Variants in VAMP5 observed in about 807,000 individuals in gnomAD.
The protein encoded by VAMP5 is vesicle associated membrane protein 5.
A neutral mutation model predicts 8.1 loss-of-function variants in VAMP5; 10 were observed. That is an observed-to-expected ratio of 1.23 (90% CI 0.76 to 2.09). The LOEUF is 2.09. Among genes scored for constraint, VAMP5 ranks in the 30% most tolerant of loss-of-function variants. The pLI is 0.00. For missense variants in VAMP5, 135 were observed against 152.5 expected, an observed-to-expected ratio of 0.89 and a Z score of 0.60; for synonymous variants, 62 against 60.6, an observed-to-expected ratio of 1.02 and a Z score of -0.11.
intron 1 of VAMP5, among the ~76,000 whole-genome samples, chr2:85,588,049 G>A (rs1672489905): frequency 6.6e-6 from 1 of 152,098 alleles, no homozygotes; most frequent in African/African-American, 2.4e-5. Context: ...GGAGTGCAGT[G>A]CGCAATCTTG....
At chr2:85,586,836 G>A (rs1444009525) in intron 1 of VAMP5, among the ~76,000 whole-genome samples, 1 of 152,154 alleles carries the variant, frequency 6.6e-6, no homozygotes, top group African/African-American at 2.4e-5. Context: ...CTTTGAGAGA[G>A]AGGCCAAGCC....
At chr2:85,590,904 C>T (rs549860665) in intron 1 of VAMP5, among the ~76,000 whole-genome samples, 1 of 152,328 alleles carries the variant, frequency 6.6e-6, no homozygotes, top group Non-Finnish European at 1.5e-5. Flanking sequence ...TTTCAACCTT[C>T]CCCAGCTTGG....
At chr2:85,585,917 T>C (rs1216868914) in intron 1 of VAMP5, among the ~76,000 whole-genome samples, 1 of 152,198 alleles carries the variant, frequency 6.6e-6, no homozygotes, top group African/African-American at 2.4e-5. Context: ...CTTGGAAATG[T>C]CCTTCATGCC....
intron 2 of VAMP5, 114 bp downstream of exon 2, chr2:85,591,976 T>C (rs1401462355): frequency 2.0e-6 from 3 of 1,480,302 alleles, no homozygotes; most frequent in Non-Finnish European, 2.7e-6. Context: ...TGAGGGCCAG[T>C]GTGGGGCCTC....
intron 1 of VAMP5, 59 bp from the exon 2 acceptor site, chr2:85,591,666 G>A (rs1329668475): frequency 1.2e-6 from 2 of 1,609,842 alleles, no homozygotes; most frequent in Admixed American, 1.7e-5. Context: ...TAGATCTCAG[G>A]GGCAGATGAG....
intron 1 of VAMP5, among the ~76,000 whole-genome samples, chr2:85,585,545 C>T (rs1248585595): frequency 1.3e-5 from 2 of 152,206 alleles, no homozygotes; most frequent in Non-Finnish European, 2.9e-5. Context: ...TAGGGCAGAG[C>T]CCAGAGCCCA....
intron 1 of VAMP5, among the ~76,000 whole-genome samples, chr2:85,590,942 G>A (rs1477271674): frequency 2.6e-5 from 4 of 152,206 alleles, no homozygotes; most frequent in African/African-American, 7.2e-5. Context: ...CCAGTCCTCT[G>A]AAATGAGCTG....
chr2:85,584,916 A>G (rs545214252), intron 1 of VAMP5, among the ~76,000 whole-genome samples: 24 of 152,186 alleles, frequency 1.6e-4, no homozygotes, highest in Non-Finnish European at 2.8e-4. Context: ...TAAAGGAGCC[A>G]CAGTGGCAGA....
intron 1 of VAMP5, among the ~76,000 whole-genome samples, chr2:85,589,192 C>T (rs1028381558): frequency 1.3e-5 from 2 of 152,204 alleles, no homozygotes; most frequent in African/African-American, 4.8e-5. Context: ...TGCTGAGTGA[C>T]AGTGTGGCGT....
intron 1 of VAMP5, among the ~76,000 whole-genome samples, chr2:85,588,423 G>T (rs995029617): frequency 6.6e-6 from 1 of 151,978 alleles, no homozygotes; most frequent in Non-Finnish European, 1.5e-5. Context: ...CTCCCCTCTC[G>T]CCCTGGCTCA....
In VAMP5 at chr2:85,590,089, C is replaced by T. The variant is rs559357820; in HGVS notation, c.4-1636C>T. 4.5e-4 allele frequency among the ~76,000 whole-genome samples: 68 copies of T among 152,282 alleles called. 1 individual carries two copies. Among genetic ancestry groups the T allele is most frequent in the South Asian group, 1.2e-3 (6 of 4,820 alleles). On this transcript the variant is annotated intron_variant, in intron 1 of 2. Coordinates refer to ENST00000306384, the MANE Select transcript of VAMP5 (RefSeq NM_006634.3). ...GAGAGTGCAGTTTCCCTGCTCTCTT[C>T]GTTGTTCCTCTGTGTTTCCTGCTTA...
In VAMP5 at chr2:85,593,119, A is replaced by C; in HGVS notation, c.313A>C (p.Thr105Pro). 1 of 1,614,184 alleles carries C rather than the reference A, an allele frequency of 6.2e-7. No individual in the cohort carries two copies. The highest frequency in any genetic ancestry group is 1.1e-5 in the South Asian group (1 of 91,080). ...QSSDSSSAPR[T>P]QDAGIASGPG... The stretch of plus-strand genomic sequence containing the variant: ...CAGTGACAGCAGTAGTGCCCCACGG[A>C]CCCAGGATGCAGGCATTGCCTCAGG... Residue 105 changes from threonine to proline, a missense_variant, in exon 3 of 3, where the codon ACC becomes CCC. Transcript: ENST00000306384.
At position 85,593,217 on chromosome 2, in the gene VAMP5, G is replaced by A. The variant is rs1672576329; in HGVS notation, c.*60G>A. The A allele has an allele frequency of 3.8e-6, 6 of 1,585,598 alleles. No homozygotes were observed. In the East Asian group the frequency reaches 1.4e-4, roughly 36 times the overall value. On this transcript the variant is annotated 3_prime_UTR_variant, in exon 3 of 3. Coordinates refer to ENST00000306384, the MANE Select transcript of VAMP5 (RefSeq NM_006634.3). ...CACTGGCCGATTCTGGTCTCCAGAG[G>A]ACCTTGGTGTTTGCTCTCCCTTGAC...
rs1457796848 is a variant in VAMP5, at chr2:85,592,933, T to TG, written c.142-10dup. 1.9e-6 allele frequency: 3 copies of TG among 1,613,094 alleles called. 1 individual carries two copies. In the South Asian group the frequency reaches 3.3e-5, roughly 18 times the overall value. On this transcript the variant is annotated splice_polypyrimidine_tract_variant and intron_variant, in intron 2 of 2. Coordinates refer to ENST00000306384, the MANE Select transcript of VAMP5 (RefSeq NM_006634.3). ...TGCCAGCTAACTCCCACTTTGTGTC[T>TG]GGGGGTATCCGCAGAGCTCAACCTT... is the stretch of plus-strand genomic sequence containing the variant.
At chr2:85,589,633 C>T (rs1254320830) in intron 1 of VAMP5, among the ~76,000 whole-genome samples, 1 of 152,104 alleles carries the variant, frequency 6.6e-6, no homozygotes. Context: ...CAAGTTTTTG[C>T]TTTGGACTAT....
chr2:85,585,139 G>T (rs1672445901), intron 1 of VAMP5, among the ~76,000 whole-genome samples: 1 of 152,242 alleles, frequency 6.6e-6, no homozygotes, highest in African/African-American at 2.4e-5. Context: ...TACTCTGAAA[G>T]TTCCACTGAA....
rs939090521 is a variant in VAMP5, at chr2:85,584,477, C to T, written c.-14C>T. 7 of 1,243,300 alleles carry T rather than the reference C, an allele frequency of 5.6e-6. No homozygotes were observed. The highest frequency in any genetic ancestry group is 6.1e-4 in the Middle Eastern group (2 of 3,270). 77.0% of individuals were successfully genotyped at this position (1,243,300 alleles called of 1,614,324 possible). A position where few individuals can be genotyped will look rare whatever the true frequency, so the allele number is the denominator to read the frequency against. On this transcript the variant is annotated 5_prime_UTR_variant, in exon 1 of 3. Transcript: ENST00000306384. ...GAGAAGCCGGGAGCGGGCGAGGCGG[C>T]GGCGGCAGCAGCGATGGTGAGGGCC...
In VAMP5 at chr2:85,591,977, G is replaced by A. The variant is rs1373301603; in HGVS notation, c.141+115G>A. 6.8e-6 allele frequency: 10 copies of A among 1,481,358 alleles called. No homozygotes were observed. The East Asian group carries it at 2.3e-4, about 34-fold the overall frequency. 91.8% of individuals were successfully genotyped at this position (1,481,358 alleles called of 1,614,324 possible). ...GGTTGAGGCCTTCTTGAGGGCCAGT[G>A]TGGGGCCTCTGGGTTTCCTCAGGCA... On this transcript the variant is annotated intron_variant, in intron 2 of 2. Transcript: ENST00000306384.
chr2:85,588,696 T>G (rs1396480825), intron 1 of VAMP5, among the ~76,000 whole-genome samples: 1 of 152,186 alleles, frequency 6.6e-6, no homozygotes, highest in African/African-American at 2.4e-5. Flanking sequence ...CACTAGCTCT[T>G]AAGTTTTATC....
Sources: allele counts gnomAD v4.1 joint callset (sites outside exome capture counted in the v4.1 genomes callset), GRCh38; gene constraint gnomAD v4.1.1; transcripts MANE v1.5; gene names NCBI Gene and HGNC (gene_info 2026-07-23, HGNC 2026-07-21).